PCDH9: variants seen among roughly 807,000 people sequenced by gnomAD.
PCDH9 encodes protocadherin-9.
PCDH9 carries 24 observed loss-of-function variants against 70.6 expected under a neutral mutation model. The observed-to-expected ratio is 0.34, with a 90% confidence interval of 0.25 to 0.48. PCDH9 has a LOEUF of 0.48. Ranked by LOEUF, PCDH9 falls within the 20% of genes least tolerant of loss-of-function variation. PCDH9 has a pLI of 0.99. For missense variants in PCDH9, 1,281 were observed against 1,503.6 expected, an observed-to-expected ratio of 0.85 and a Z score of 2.45; for synonymous variants, 562 against 558.5, an observed-to-expected ratio of 1.01 and a Z score of -0.09.
chr13:66,522,560 C>T (rs1173421144), intron 4 of PCDH9, among the ~76,000 whole-genome samples: 2 of 152,026 alleles, frequency 1.3e-5, no homozygotes, highest in Non-Finnish European at 2.9e-5. Flanking sequence ...GTGAGTTTGA[C>T]TTCACCTGGA....
chr13:67,006,523 C>T (rs2084358314), intron 2 of PCDH9, among the ~76,000 whole-genome samples: 1 of 152,154 alleles, frequency 6.6e-6, no homozygotes, highest in South Asian at 2.1e-4. Flanking sequence ...GTAGTCATAT[C>T]CCTGGCGATT....
intron 4 of PCDH9, among the ~76,000 whole-genome samples, chr13:66,452,643 T>C (rs576164998): frequency 4.2e-4 from 64 of 152,230 alleles, no homozygotes; most frequent in African/African-American, 1.5e-3. Context: ...ACCAGTTCTA[T>C]GACACCATTC....
intron 2 of PCDH9, among the ~76,000 whole-genome samples, chr13:67,155,566 T>C (rs1333297046): frequency 6.6e-6 from 1 of 152,194 alleles, no homozygotes; most frequent in African/African-American, 2.4e-5. Context: ...GCTTGATGTG[T>C]TCCATGACGT....
At chr13:66,861,803 A>T (rs1051216704) in intron 3 of PCDH9, among the ~76,000 whole-genome samples, 3 of 152,232 alleles carry the variant, frequency 2.0e-5, no homozygotes, top group Admixed American at 2.0e-4. Context: ...GAAATGAAAT[A>T]GTGCCGACAT....
chr13:66,453,222 A>G (rs1958248487), intron 4 of PCDH9, among the ~76,000 whole-genome samples: 1 of 152,188 alleles, frequency 6.6e-6, no homozygotes, highest in Non-Finnish European at 1.5e-5. Flanking sequence ...GGAGTAGGTG[A>G]CATGTAAGGT....
chr13:66,472,413 T>A (rs12017457), intron 4 of PCDH9, among the ~76,000 whole-genome samples: 2 of 151,666 alleles, frequency 1.3e-5, no homozygotes, highest in African/African-American at 4.8e-5. Flanking sequence ...CTACAAAAAA[T>A]TTTAACAAAT....
chr13:66,331,799 C>T (rs1226478049), intron 4 of PCDH9, among the ~76,000 whole-genome samples: 1 of 152,088 alleles, frequency 6.6e-6, no homozygotes, highest in Non-Finnish European at 1.5e-5. Context: ...TTAGGAACAA[C>T]AAGTTCCTTG....
At chr13:66,529,038 C>CT (rs2138627924) in intron 4 of PCDH9, among the ~76,000 whole-genome samples, 1 of 152,198 alleles carries the variant, frequency 6.6e-6, no homozygotes, top group African/African-American at 2.4e-5. Flanking sequence ...ACTGTACCTC[C>CT]TTTAATCTCC....
intron 2 of PCDH9, among the ~76,000 whole-genome samples, chr13:66,921,573 C>G (rs1374183460): frequency 1.3e-5 from 2 of 151,210 alleles, no homozygotes; most frequent in Non-Finnish European, 3.0e-5. Flanking sequence ...AAATTTGCCA[C>G]ATGAATACAC....
chr13:66,387,326 GC>G (rs1014277233), intron 4 of PCDH9, among the ~76,000 whole-genome samples: 5 of 151,960 alleles, frequency 3.3e-5, no homozygotes, highest in African/African-American at 1.2e-4. Context: ...AAGAGCTTGT[GC>G]CTTTCTCCTC....
chr13:67,135,111 T>C (rs1401192486), intron 2 of PCDH9, among the ~76,000 whole-genome samples: 1 of 152,172 alleles, frequency 6.6e-6, no homozygotes, highest in Non-Finnish European at 1.5e-5. Flanking sequence ...TTATACAACT[T>C]ACTATGATTT....
intron 4 of PCDH9, among the ~76,000 whole-genome samples, chr13:66,610,265 C>A (rs1418406634): frequency 6.6e-6 from 1 of 151,436 alleles, no homozygotes; most frequent in Non-Finnish European, 1.5e-5. Flanking sequence ...AGCAACAGAG[C>A]AAAGGAGAAT....
intron 4 of PCDH9, among the ~76,000 whole-genome samples, chr13:66,347,562 T>G (rs2138160857): frequency 6.6e-6 from 1 of 152,326 alleles, no homozygotes; most frequent in South Asian, 2.1e-4. Context: ...ATTCATCATG[T>G]CTTCTTTCTT....
chr13:66,869,910 C>G (rs1975434), intron 3 of PCDH9, among the ~76,000 whole-genome samples: 2 of 152,280 alleles, frequency 1.3e-5, no homozygotes, highest in African/African-American at 4.8e-5. Context: ...AATGAGTCCA[C>G]AGAGAGCAAT....
intron 4 of PCDH9, among the ~76,000 whole-genome samples, chr13:66,629,334 C>G (rs2077539957): frequency 6.6e-6 from 1 of 152,160 alleles, no homozygotes; most frequent in African/African-American, 2.4e-5. Context: ...TTAGAGAAAA[C>G]ATGGTCAGGA....
chr13:66,711,392 CAAAAAA>C (rs5804291), intron 3 of PCDH9, among the ~76,000 whole-genome samples: 3 of 128,620 alleles, frequency 2.3e-5, no homozygotes, highest in African/African-American at 8.8e-5. Context: ...AAGAAAATTG[CAAAAAA>C]AAAAAAAAAA....
chr13:66,977,043 C>G (rs188717483), intron 2 of PCDH9, among the ~76,000 whole-genome samples: 1 of 152,096 alleles, frequency 6.6e-6, no homozygotes, highest in Non-Finnish European at 1.5e-5. Context: ...TCTTTAAATG[C>G]TTTTCCTTAC....
chr13:66,333,553 C>G (rs1021506001), intron 4 of PCDH9, among the ~76,000 whole-genome samples: 10 of 152,110 alleles, frequency 6.6e-5, no homozygotes, highest in African/African-American at 2.4e-4. Flanking sequence ...AATAGAATGA[C>G]TTAAGAACGA....
intron 2 of PCDH9, chr13:67,216,346 A>G (rs1212601574): frequency 6.6e-6 from 1 of 151,996 alleles, no homozygotes; most frequent in Non-Finnish European, 1.5e-5. Flanking sequence ...AATATCCTAA[A>G]AATTGTGTCA....
Sources: gnomAD v4.1 joint callset for allele counts (sites outside exome capture counted in the v4.1 genomes callset) on GRCh38, gnomAD v4.1.1 for gene constraint, MANE v1.5 for transcripts, NCBI Gene and HGNC (gene_info 2026-07-23, HGNC 2026-07-21) for gene names.